MAGI2: variants seen among roughly 807,000 people sequenced by gnomAD.
The protein encoded by MAGI2 is membrane associated guanylate kinase, WW and PDZ domain containing 2, also known as membrane-associated guanylate kinase, WW and PDZ domain-containing protein 2.
In MAGI2, 35 loss-of-function variants were observed where a neutral mutation model predicts 133.3. The observed-to-expected ratio is 0.26, with a 90% CI of 0.20 to 0.35. MAGI2 has a LOEUF of 0.35. MAGI2 is among the 10% of genes least tolerant of loss of function. The pLI, the probability that MAGI2 is intolerant of heterozygous loss-of-function variation, is 1.00. For missense variants in MAGI2, 1,636 were observed against 1,863.4 expected (o/e 0.88, Z 2.25); for synonymous variants, 729 against 710.6 (o/e 1.03, Z -0.41).
At chr7:79,237,377 T>C (rs1005518518) in intron 1 of MAGI2, among the ~76,000 whole-genome samples, 3 of 152,036 alleles carry the variant, frequency 2.0e-5, no homozygotes, top group African/African-American at 4.8e-5. Context: ...CCTGTAGTCC[T>C]AGCTACTCTG....
At chr7:78,493,325 A>G (rs948121770) in intron 5 of MAGI2, among the ~76,000 whole-genome samples, 2 of 152,220 alleles carry the variant, frequency 1.3e-5, no homozygotes, top group Non-Finnish European at 2.9e-5. Flanking sequence ...CTCACATAGA[A>G]CATGCTTCAT....
At chr7:78,469,970 A>G (rs1227068802) in intron 6 of MAGI2, among the ~76,000 whole-genome samples, 1 of 152,142 alleles carries the variant, frequency 6.6e-6, no homozygotes, top group Non-Finnish European at 1.5e-5. Flanking sequence ...CATGCAGAAT[A>G]TATAAAATGT....
intron 20 of MAGI2, among the ~76,000 whole-genome samples, chr7:78,081,997 A>G (rs965561380): frequency 5.9e-5 from 9 of 152,192 alleles, no homozygotes; most frequent in Non-Finnish European, 1.0e-4. Context: ...GTACTTCCAC[A>G]TGGGTTATCT....
chr7:79,275,493 A>G (rs899716958), intron 1 of MAGI2, among the ~76,000 whole-genome samples: 26 of 152,332 alleles, frequency 1.7e-4, no homozygotes, highest in Middle Eastern at 3.4e-3. Flanking sequence ...TAAGGATGTA[A>G]ACCATTTCAA....
At chr7:78,985,952 T>C (rs1805220544) in intron 2 of MAGI2, among the ~76,000 whole-genome samples, 1 of 152,102 alleles carries the variant, frequency 6.6e-6, no homozygotes, top group Non-Finnish European at 1.5e-5. Context: ...TTCCAGGTAA[T>C]GCTTTCCATG....
intron 3 of MAGI2, among the ~76,000 whole-genome samples, chr7:78,580,555 A>G (rs1468679464): frequency 1.3e-5 from 2 of 152,214 alleles, no homozygotes; most frequent in Non-Finnish European, 2.9e-5. Flanking sequence ...TCAGAACATT[A>G]AATTTTAACA....
chr7:79,199,772 C>T (rs2129551815), intron 1 of MAGI2, among the ~76,000 whole-genome samples: 1 of 151,968 alleles, frequency 6.6e-6, no homozygotes, highest in East Asian at 1.9e-4. Flanking sequence ...AGTAGATGTC[C>T]TTGGCAGTGC....
At chr7:79,069,263 C>G (rs756303535) in intron 1 of MAGI2, among the ~76,000 whole-genome samples, 2 of 152,046 alleles carry the variant, frequency 1.3e-5, no homozygotes, top group Non-Finnish European at 2.9e-5. Flanking sequence ...TAAGAACTTG[C>G]TTTATGAATC....
chr7:78,296,455 C>T (rs552514409), intron 9 of MAGI2, among the ~76,000 whole-genome samples: 2 of 152,260 alleles, frequency 1.3e-5, no homozygotes, highest in African/African-American at 4.8e-5. Context: ...GTATTCTATT[C>T]ACTTATTCTG....
chr7:79,361,066 A>T lies in MAGI2; in HGVS notation c.301+91954T>A, dbSNP rs186221794. On this transcript the variant is annotated intron_variant, in intron 1 of 21. Transcript: ENST00000354212. Reference sequence around the variant, plus strand: ...TTAATTTTAAAAATCAGGAATGGCTAATTAATATCCAGTGAAGTAGACTTC... The same window carrying T: ...TTAATTTTAAAAATCAGGAATGGCTTATTAATATCCAGTGAAGTAGACTTC... 4.2e-3 allele frequency among the ~76,000 whole-genome samples: 638 copies of T among 152,316 alleles called. 3 individuals carry two copies. The highest frequency in any genetic ancestry group is 6.4e-3 in the Non-Finnish European group (433 of 68,016).
intron 2 of MAGI2, among the ~76,000 whole-genome samples, chr7:78,811,963 G>C (rs1194977922): frequency 1.3e-5 from 2 of 152,196 alleles, no homozygotes; most frequent in Non-Finnish European, 2.9e-5. Flanking sequence ...CTTAAAAGTG[G>C]AGAACCTGAG....
intron 1 of MAGI2, among the ~76,000 whole-genome samples, chr7:79,294,849 C>A (rs2129559141): frequency 6.7e-6 from 1 of 149,322 alleles, no homozygotes; most frequent in Non-Finnish European, 1.5e-5. Flanking sequence ...CCTGCCTCAG[C>A]CTTCTGAGTA....
chr7:78,251,747 T>C (rs988099532), intron 10 of MAGI2: 3 of 152,202 alleles, frequency 2.0e-5, no homozygotes, highest in African/African-American at 4.8e-5. Context: ...ACTATCTTTA[T>C]GAATTAAAAG....
chr7:78,781,436 T>C (rs2151341364), intron 2 of MAGI2, among the ~76,000 whole-genome samples: 1 of 148,868 alleles, frequency 6.7e-6, no homozygotes, highest in Non-Finnish European at 1.5e-5. Context: ...GAGCCTACTA[T>C]GTAAAAAAAA....
chr7:78,256,722 A>T (rs1793018963), intron 9 of MAGI2, 141 bp from the exon 10 acceptor site: 1 of 682,204 alleles, frequency 1.5e-6, no homozygotes, highest in Non-Finnish European at 2.4e-6. Flanking sequence ...ACTTAAAATC[A>T]CTGTGGGTGA....
intron 6 of MAGI2, among the ~76,000 whole-genome samples, chr7:78,412,166 A>T (rs1479684874): frequency 1.3e-5 from 2 of 152,038 alleles, no homozygotes; most frequent in African/African-American, 4.8e-5. Context: ...AAACTCTATA[A>T]TCAATGAAAA....
chr7:78,579,087 C>T (rs1378712084), intron 3 of MAGI2, among the ~76,000 whole-genome samples: 2 of 152,140 alleles, frequency 1.3e-5, no homozygotes, highest in African/African-American at 2.4e-5. Context: ...ACAATCACAT[C>T]CCATCTTCCT....
At chr7:78,879,874 T>C (rs1469005826) in intron 2 of MAGI2, among the ~76,000 whole-genome samples, 1 of 152,066 alleles carries the variant, frequency 6.6e-6, no homozygotes. Flanking sequence ...TATTTAAAAG[T>C]AATCAATCAG....
At chr7:78,970,640 A>C (rs576399911) in intron 2 of MAGI2, among the ~76,000 whole-genome samples, 1 of 152,168 alleles carries the variant, frequency 6.6e-6, no homozygotes, top group African/African-American at 2.4e-5. Flanking sequence ...AATAGTTCAT[A>C]ATTTTGGCAA....
Sources: gnomAD v4.1 joint callset for allele counts (sites outside exome capture counted in the v4.1 genomes callset) on GRCh38, gnomAD v4.1.1 for gene constraint, MANE v1.5 for transcripts, NCBI Gene and HGNC (gene_info 2026-07-23, HGNC 2026-07-21) for gene names.